ARHGAP42: variants seen among roughly 807,000 people sequenced by gnomAD.
ARHGAP42 encodes the protein Rho GTPase activating protein 42.
In ARHGAP42, 63 loss-of-function variants were observed where a neutral mutation model predicts 125.0. That is an observed-to-expected ratio of 0.50 (90% CI 0.41 to 0.62). The LOEUF (loss-of-function observed/expected upper bound fraction) is 0.62. Ranked by LOEUF, ARHGAP42 falls within the 20% of genes least tolerant of loss-of-function variation. The pLI is 0.00. For missense variants in ARHGAP42, 766 were observed against 1,024.2 expected (o/e 0.75, Z 3.44); for synonymous variants, 339 against 351.0 (o/e 0.97, Z 0.38).
In ARHGAP42 at chr11:100,992,654, G is replaced by T. The variant is rs1425892648; in HGVS notation, c.*3853G>T. 2 of 1,610,210 alleles carry T rather than the reference G, an allele frequency of 1.2e-6. No individual in the cohort carries two copies. Among genetic ancestry groups the T allele is most frequent in the East Asian group, 2.2e-5 (1 of 44,836 alleles). ...TATCCCCCTGCTTCAAAATGTGCCA[G>T]TTCCACTTGGTAATAACGTTGGGAA... On this transcript the variant is annotated 3_prime_UTR_variant, in exon 24 of 24. Transcript: ENST00000298815.
intron 3 of ARHGAP42, among the ~76,000 whole-genome samples, chr11:100,832,703 G>A (rs1401053738): frequency 6.6e-6 from 1 of 152,304 alleles, no homozygotes; most frequent in South Asian, 2.1e-4. Context: ...TATATTATTA[G>A]TTAAGTTCCC....
chr11:100,757,575 A>G (rs1010911181), intron 1 of ARHGAP42, among the ~76,000 whole-genome samples: 1 of 152,210 alleles, frequency 6.6e-6, no homozygotes, highest in Non-Finnish European at 1.5e-5. Context: ...AAAAATCATC[A>G]TCTCTATTGT....
intron 21 of ARHGAP42, among the ~76,000 whole-genome samples, chr11:100,978,684 C>T (rs540763160): frequency 6.6e-6 from 1 of 152,110 alleles, no homozygotes; most frequent in African/African-American, 2.4e-5. Flanking sequence ...CTGCTGGGAG[C>T]AGAGTAGAGA....
chr11:100,887,325 C>T (rs1012398791), intron 4 of ARHGAP42, among the ~76,000 whole-genome samples: 8 of 152,222 alleles, frequency 5.3e-5, no homozygotes, highest in African/African-American at 1.9e-4. Flanking sequence ...AAATTGAGCC[C>T]TGGTTCTCTA....
rs191093675 is a variant in ARHGAP42, at chr11:100,808,805, A to G, written c.312+13639A>G. Reference sequence around the variant, plus strand: ...CTCATAAAATTATAGTAAATAGTTCATTACATTTTACTTGTTATAATAGTA... The same window carrying G: ...CTCATAAAATTATAGTAAATAGTTCGTTACATTTTACTTGTTATAATAGTA... On this transcript the variant is annotated intron_variant, in intron 3 of 23. Coordinates refer to ENST00000298815, the MANE Select transcript of ARHGAP42 (RefSeq NM_152432.4). Among the ~76,000 whole-genome samples, 385 of 152,344 alleles carry G rather than the reference A, an allele frequency of 2.5e-3. 4 individuals carry two copies. The highest frequency in any genetic ancestry group is 8.8e-3 in the African/African-American group (367 of 41,572).
intron 8 of ARHGAP42, among the ~76,000 whole-genome samples, chr11:100,936,600 A>C (rs1415539778): frequency 6.6e-6 from 1 of 152,156 alleles, no homozygotes; most frequent in African/African-American, 2.4e-5. Context: ...GTGATACTTA[A>C]TCTCAACTTA....
intron 3 of ARHGAP42, among the ~76,000 whole-genome samples, chr11:100,831,610 G>T (rs778180137): frequency 6.6e-6 from 1 of 152,132 alleles, no homozygotes; most frequent in Non-Finnish European, 1.5e-5. Flanking sequence ...TACTGTAGAA[G>T]ATTTTATTCT....
intron 4 of ARHGAP42, among the ~76,000 whole-genome samples, chr11:100,862,877 A>G (rs190772486): frequency 6.6e-6 from 1 of 152,056 alleles, no homozygotes; most frequent in Admixed American, 6.6e-5. Context: ...TCTACTAAAA[A>G]AAATACAAAA....
intron 4 of ARHGAP42, among the ~76,000 whole-genome samples, chr11:100,881,447 T>A (rs1258232773): frequency 6.6e-6 from 1 of 152,242 alleles, no homozygotes; most frequent in African/African-American, 2.4e-5. Flanking sequence ...GTGCCTATTT[T>A]TATACCAGTA....
intron 12 of ARHGAP42, among the ~76,000 whole-genome samples, chr11:100,955,447 T>G (rs1223122197): frequency 6.6e-6 from 1 of 152,074 alleles, no homozygotes; most frequent in Non-Finnish European, 1.5e-5. Context: ...GGGTAGGGCT[T>G]GGGACTGGGA....
chr11:100,875,634 G>A (rs901087143), intron 4 of ARHGAP42, among the ~76,000 whole-genome samples: 14 of 152,076 alleles, frequency 9.2e-5, no homozygotes, highest in African/African-American at 2.2e-4. Context: ...TGAAGAACAC[G>A]GTTGGTGGCC....
At chr11:100,985,713 GC>G (rs1186106630) in intron 22 of ARHGAP42, among the ~76,000 whole-genome samples, 1 of 152,210 alleles carries the variant, frequency 6.6e-6, no homozygotes. Flanking sequence ...CCGCTAGCAA[GC>G]TTTCTGAAAG....
chr11:100,954,195 A>G (rs1419871979), intron 12 of ARHGAP42, among the ~76,000 whole-genome samples: 1 of 152,046 alleles, frequency 6.6e-6, no homozygotes, highest in Non-Finnish European at 1.5e-5. Flanking sequence ...TGGTCCTTCA[A>G]CCCTGGGTCT....
intron 1 of ARHGAP42, among the ~76,000 whole-genome samples, chr11:100,701,308 A>C (rs1287257992): frequency 6.6e-6 from 1 of 152,168 alleles, no homozygotes; most frequent in African/African-American, 2.4e-5. Context: ...ATGGTAAAGG[A>C]GCATTGGCTT....
chr11:100,779,520 G>T (rs1867063), intron 2 of ARHGAP42, among the ~76,000 whole-genome samples: 1 of 110,120 alleles, frequency 9.1e-6, no homozygotes, highest in Non-Finnish European at 1.8e-5. Context: ...ATATATATAC[G>T]TATACATGCG....
intron 4 of ARHGAP42, among the ~76,000 whole-genome samples, chr11:100,892,483 T>C (rs1866243269): frequency 6.6e-6 from 1 of 152,178 alleles, no homozygotes; most frequent in African/African-American, 2.4e-5. Context: ...TCTGGTCTTA[T>C]CTTTAATTCA....
intron 17 of ARHGAP42, among the ~76,000 whole-genome samples, chr11:100,969,038 G>A (rs1320711911): frequency 1.3e-5 from 2 of 152,048 alleles, no homozygotes; most frequent in Non-Finnish European, 2.9e-5. Flanking sequence ...TTATTGTGAT[G>A]CAGATCTGCT....
At chr11:100,973,371 T>A (rs1227947140) in intron 18 of ARHGAP42, 37 bp downstream of exon 18, 1 of 1,541,498 alleles carries the variant, frequency 6.5e-7, no homozygotes, top group Non-Finnish European at 8.7e-7. Context: ...TCAAGTTTTA[T>A]ATCTTGGTTT....
chr11:100,824,153 A>G (rs1266011239), intron 3 of ARHGAP42, among the ~76,000 whole-genome samples: 2 of 152,322 alleles, frequency 1.3e-5, no homozygotes, highest in African/African-American at 2.4e-5. Context: ...CACCGGCAGC[A>G]TGTGGGTAGT....
Sources: gnomAD v4.1 joint callset for allele counts (sites outside exome capture counted in the v4.1 genomes callset) on GRCh38, gnomAD v4.1.1 for gene constraint, MANE v1.5 for transcripts, NCBI Gene and HGNC (gene_info 2026-07-23, HGNC 2026-07-21) for gene names.